MIA2: variants seen among roughly 807,000 people sequenced by gnomAD.
The protein encoded by MIA2 is MIA SH3 domain ER export factor 2.
Under a neutral mutation model 167.8 loss-of-function variants are expected in MIA2, and 127 were observed. That is an observed-to-expected ratio of 0.76 (90% CI 0.66 to 0.88). The LOEUF (loss-of-function observed/expected upper bound fraction) is 0.88, where lower values mean the gene tolerates loss of function less well. Among genes scored for constraint, MIA2 ranks in the 40% least tolerant of loss-of-function variants. The pLI, the probability that MIA2 is intolerant of heterozygous loss-of-function variation, is 0.00. For synonymous variants in MIA2, 552 were observed against 541.9 expected (o/e 1.02, Z -0.26); for missense variants, 1,690 against 1,624.7 (o/e 1.04, Z -0.69).
At chr14:39,277,135 A>AT in intron 7 of MIA2, 70 bp downstream of exon 7, 7 of 1,513,014 alleles carry the variant, frequency 4.6e-6, no homozygotes, top group Non-Finnish European at 5.3e-6. Flanking sequence ...TATGAGAAAC[A>AT]TATTTGTTAT....
chr14:39,279,495 A>G lies in MIA2; in HGVS notation c.2088A>G (p.Glu696=), dbSNP rs1354693983. ...LALMLSGLIE[E]KSKLLEKFSL... is the part of the protein sequence containing the mutation. ...TAATGCTTTCTGGACTAATTGAAGA[A>G]AAAAGTAAACTACTTGAAAAATTTA... Residue 696 remains glutamate, a synonymous_variant, in exon 9 of 29, where the codon GAA becomes GAG. Coordinates refer to ENST00000640607, the MANE Select transcript of MIA2 (RefSeq NM_001329214.4). 1 of 1,608,506 alleles carries G rather than the reference A, an allele frequency of 6.2e-7. No homozygotes were observed. The highest frequency in any genetic ancestry group is 1.1e-5 in the South Asian group (1 of 89,198).
At chr14:39,252,468 C>T (rs1960752640) in intron 4 of MIA2, among the ~76,000 whole-genome samples, 1 of 152,140 alleles carries the variant, frequency 6.6e-6, no homozygotes, top group Non-Finnish European at 1.5e-5. Flanking sequence ...TGAAGGAATG[C>T]AGCCTTGACA....
chr14:39,318,072 T>C (rs554048874), intron 22 of MIA2, 61 bp downstream of exon 22: 2 of 1,249,848 alleles, frequency 1.6e-6, no homozygotes, highest in East Asian at 5.0e-5. Flanking sequence ...AATTAGGTAA[T>C]ACTTTTATAA....
chr14:39,335,487 C>T (rs540260054), intron 25 of MIA2, among the ~76,000 whole-genome samples: 48 of 152,084 alleles, frequency 3.2e-4, no homozygotes, highest in Non-Finnish European at 4.9e-4. Flanking sequence ...ATTTTTGCAC[C>T]GTTAAATACT....
intron 6 of MIA2, among the ~76,000 whole-genome samples, chr14:39,257,677 G>A (rs1236920135): frequency 1.3e-5 from 2 of 152,134 alleles, no homozygotes; most frequent in African/African-American, 4.8e-5. Flanking sequence ...TCTTCATAGT[G>A]TCATTAGTCT....
chr14:39,362,553 T>C (rs2074707232), intron 23 of MIA2, among the ~76,000 whole-genome samples: 1 of 152,182 alleles, frequency 6.6e-6, no homozygotes, highest in Non-Finnish European at 1.5e-5. Context: ...TTTCTGATTT[T>C]CTTTATTTGG....
In MIA2 at chr14:39,302,401, T is replaced by C. The variant is rs115604872; in HGVS notation, c.2740+152T>C. 5.6e-3 allele frequency: 4,897 copies of C among 882,316 alleles called. 149 individuals carry two copies. In the African/African-American group the frequency reaches 0.065, roughly 12 times the overall value. 54.7% of individuals were successfully genotyped at this position (882,316 alleles called of 1,614,324 possible). On this transcript the variant is annotated intron_variant, in intron 15 of 28. Coordinates refer to ENST00000640607, the MANE Select transcript of MIA2 (RefSeq NM_001329214.4). ...CACTGTCCTTTCTCACCATCCCTTA[T>C]AGTTTTTAGCTTCAGCTGGAGCACT... is the stretch of plus-strand genomic sequence containing the variant.
At chr14:39,256,595 T>G (rs756148307) in intron 6 of MIA2, among the ~76,000 whole-genome samples, 5 of 151,796 alleles carry the variant, frequency 3.3e-5, no homozygotes, top group Admixed American at 3.3e-4. Flanking sequence ...TAAAAAAAAA[T>G]AACAAAGAAA....
chr14:39,382,500 G>T (rs1338487320), intron 23 of MIA2, among the ~76,000 whole-genome samples: 1 of 152,206 alleles, frequency 6.6e-6, no homozygotes, highest in African/African-American at 2.4e-5. Flanking sequence ...GAGGGCTTCA[G>T]TATTTAAAGG....
intron 7 of MIA2, 107 bp from the exon 8 acceptor site, chr14:39,279,230 A>T (rs1362474114): frequency 2.3e-6 from 2 of 876,168 alleles, no homozygotes; most frequent in African/African-American, 3.4e-5. Context: ...ATTTATACAA[A>T]GGCAATAAGA....
intron 25 of MIA2, among the ~76,000 whole-genome samples, chr14:39,333,651 C>T (rs144852769): frequency 4.6e-5 from 7 of 152,290 alleles, no homozygotes; most frequent in East Asian, 3.9e-4. Flanking sequence ...ACCCCATACC[C>T]GGTTGTTACT....
Position 39,243,476 on chromosome 14 carries a change from G to A in MIA2, c.336+2829G>A, listed in dbSNP as rs549468164. Among the ~76,000 whole-genome samples, 52 of 152,334 alleles carry A rather than the reference G, an allele frequency of 3.4e-4. No homozygotes were observed. In the South Asian group the frequency reaches 0.011, roughly 32 times the overall value. On this transcript the variant is annotated intron_variant, in intron 3 of 28. Transcript: ENST00000640607. ...TCAAGGAGGAAATTTCCCTCTGAAA[G>A]TCAGATGAAAAGTCAACTTGCAAAA...
At chr14:39,374,866 G>A (rs2075016803) in intron 23 of MIA2, among the ~76,000 whole-genome samples, 3 of 152,376 alleles carry the variant, frequency 2.0e-5, no homozygotes, top group South Asian at 4.1e-4. Flanking sequence ...CTGTGAAGGA[G>A]TTAAGGCAGG....
intron 24 of MIA2, among the ~76,000 whole-genome samples, chr14:39,325,217 G>A (rs2152987229): frequency 6.6e-6 from 1 of 151,492 alleles, no homozygotes; most frequent in African/African-American, 2.4e-5. Context: ...GAGTGAGTGA[G>A]ACCTTGTCTC....
intron 23 of MIA2, among the ~76,000 whole-genome samples, chr14:39,382,953 G>T (rs888055651): frequency 7.1e-4 from 53 of 75,030 alleles, no homozygotes; most frequent in East Asian, 1.1e-3. Flanking sequence ...TATGGCCACA[G>T]TTTTTTTTTT....
intron 21 of MIA2, among the ~76,000 whole-genome samples, chr14:39,316,896 T>A (rs1233667303): frequency 6.6e-6 from 1 of 152,086 alleles, no homozygotes; most frequent in African/African-American, 2.4e-5. Context: ...AGACACTGAC[T>A]TGTAAAGATT....
intron 6 of MIA2, among the ~76,000 whole-genome samples, chr14:39,255,239 C>T (rs939604157): frequency 1.3e-5 from 2 of 152,252 alleles, no homozygotes; most frequent in African/African-American, 2.4e-5. Flanking sequence ...CTCAGGCCTA[C>T]AGGCCTGAGT....
intron 25 of MIA2, among the ~76,000 whole-genome samples, chr14:39,330,255 T>G (rs1212182347): frequency 6.6e-6 from 1 of 152,236 alleles, no homozygotes; most frequent in African/African-American, 2.4e-5. Flanking sequence ...TTTGTTCACA[T>G]GGAGTTCTTT....
chr14:39,277,716 GTGTGTA>G (rs1566684205), intron 7 of MIA2, among the ~76,000 whole-genome samples: 66 of 2,248 alleles, frequency 0.029, 19 homozygotes, highest in African/African-American at 0.093. Flanking sequence ...ATATATATAT[GTGTGTA>G]TATATATATA....
Sources: allele counts gnomAD v4.1 joint callset (sites outside exome capture counted in the v4.1 genomes callset), GRCh38; gene constraint gnomAD v4.1.1; transcripts MANE v1.5; gene names NCBI Gene and HGNC (gene_info 2026-07-23, HGNC 2026-07-21).